IL1RAPL1: variants seen among roughly 807,000 people sequenced by gnomAD.
IL1RAPL1 encodes the protein interleukin-1 receptor accessory protein-like 1.
A neutral mutation model predicts 48.4 loss-of-function variants in IL1RAPL1; 3 were observed. The observed-to-expected ratio is 0.06, with a 90% confidence interval of 0.03 to 0.16. IL1RAPL1 has a LOEUF of 0.16. Ranked by LOEUF, IL1RAPL1 falls within the 10% of genes least tolerant of loss-of-function variation. IL1RAPL1 has a pLI of 1.00. For missense variants in IL1RAPL1, 349 were observed against 530.6 expected, an observed-to-expected ratio of 0.66 and a Z score of 3.36; for synonymous variants, 185 against 187.7, an observed-to-expected ratio of 0.99 and a Z score of 0.12.
intron 3 of IL1RAPL1, among the ~76,000 whole-genome samples, chrX:29,283,958 T>C (rs1168848225): frequency 8.9e-6 from 1 of 112,868 alleles, no homozygotes; most frequent in Non-Finnish European, 1.9e-5. Context: ...CCCTCATAGA[T>C]TGTGAATCAC....
At chrX:29,329,192 A>G (rs1286548040) in intron 3 of IL1RAPL1, among the ~76,000 whole-genome samples, 2 of 111,058 alleles carry the variant, frequency 1.8e-5, no homozygotes, top group Non-Finnish European at 3.8e-5. Flanking sequence ...CACACACACA[A>G]ATGATACAGA....
At chrX:28,789,691 G>T (rs958170769) in intron 2 of IL1RAPL1, among the ~76,000 whole-genome samples, 1 of 112,062 alleles carries the variant, frequency 8.9e-6, no homozygotes, top group Non-Finnish European at 1.9e-5. Context: ...ATTTCATTTT[G>T]TGGTAGGATT....
intron 6 of IL1RAPL1, among the ~76,000 whole-genome samples, chrX:29,856,362 A>G (rs781461873): frequency 2.7e-5 from 3 of 111,958 alleles, no homozygotes; most frequent in Non-Finnish European, 3.8e-5. Flanking sequence ...TACAAGATGC[A>G]ATTCAGAATT....
At chrX:29,135,585 A>G (rs1425142591) in intron 2 of IL1RAPL1, among the ~76,000 whole-genome samples, 1 of 112,040 alleles carries the variant, frequency 8.9e-6, no homozygotes, top group Non-Finnish European at 1.9e-5. Flanking sequence ...AGACTTTTAC[A>G]TACAATTTCC....
At chrX:28,640,172 C>T (rs1022216054) in intron 1 of IL1RAPL1, among the ~76,000 whole-genome samples, 7 of 111,446 alleles carry the variant, frequency 6.3e-5, no homozygotes, top group Non-Finnish European at 1.3e-4. Flanking sequence ...TTGAACTGAA[C>T]GTTGCATACT....
chrX:29,020,759 G>A (rs1926345164), intron 2 of IL1RAPL1, among the ~76,000 whole-genome samples: 1 of 111,473 alleles, frequency 9.0e-6, no homozygotes. Flanking sequence ...CTAGAGGAAA[G>A]AAGATAGATT....
intron 8 of IL1RAPL1, among the ~76,000 whole-genome samples, chrX:29,941,360 A>G (rs1035691178): frequency 8.9e-5 from 10 of 112,232 alleles, no homozygotes; most frequent in Non-Finnish European, 1.7e-4. Flanking sequence ...TTCCAATCAG[A>G]TATTTACAAT....
intron 2 of IL1RAPL1, among the ~76,000 whole-genome samples, chrX:28,926,065 G>A (rs2147340232): frequency 8.9e-6 from 1 of 112,260 alleles, no homozygotes; most frequent in South Asian, 3.7e-4. Flanking sequence ...CAGTACCGTA[G>A]CCATTAGCCA....
chrX:29,545,404 A>G (rs1424697553), intron 5 of IL1RAPL1, among the ~76,000 whole-genome samples: 1 of 111,490 alleles, frequency 9.0e-6, no homozygotes, highest in Non-Finnish European at 1.9e-5. Flanking sequence ...GTATATCCCA[A>G]TGAATTTTTG....
chrX:29,558,946 T>A (rs1021097422), intron 5 of IL1RAPL1, among the ~76,000 whole-genome samples: 1 of 111,803 alleles, frequency 8.9e-6, no homozygotes, highest in African/African-American at 3.2e-5. Context: ...TTGTAGTGTA[T>A]TTTGAGATCA....
Position 29,955,636 on chromosome X carries a change from G to T in IL1RAPL1, c.1907G>T (p.Gly636Val), listed in dbSNP as rs1439956965. ...RSYEYDVPPT[G>V]TLPLTSIGNQ... Reference sequence around the variant, plus strand: ...TATGAGTACGACGTACCTCCTACCGGCACCCTGCCTCTTACCTCCATAGGC... The same window carrying T: ...TATGAGTACGACGTACCTCCTACCGTCACCCTGCCTCTTACCTCCATAGGC... Residue 636 changes from glycine to valine, a missense_variant, in exon 11 of 11, where the codon GGC becomes GTC. By Grantham distance (109) the Gly-to-Val change is moderately radical. Transcript: ENST00000378993. 1.7e-6 allele frequency: 2 copies of T among 1,209,911 alleles called. No individual in the cohort carries two copies. Among genetic ancestry groups the T allele is most frequent in the South Asian group, 1.8e-5 (1 of 56,759 alleles).
At chrX:28,655,597 A>G (rs973610317) in intron 1 of IL1RAPL1, among the ~76,000 whole-genome samples, 2 of 111,855 alleles carry the variant, frequency 1.8e-5, no homozygotes, top group Non-Finnish European at 3.8e-5. Context: ...TAATTACAGA[A>G]TACATGCTAA....
chrX:29,652,827 A>G (rs1361098232), intron 5 of IL1RAPL1, among the ~76,000 whole-genome samples: 1 of 111,763 alleles, frequency 8.9e-6, no homozygotes, highest in Non-Finnish European at 1.9e-5. Context: ...ATAATAAGTG[A>G]CCATTATTTT....
At chrX:28,595,533 C>T (rs182405807) in intron 1 of IL1RAPL1, among the ~76,000 whole-genome samples, 66 of 111,765 alleles carry the variant, frequency 5.9e-4, no homozygotes, top group Non-Finnish European at 1.1e-3. Flanking sequence ...GGCTGAATCC[C>T]GCAGTGCCCT....
At chrX:29,915,106 C>T (rs1438921983) in intron 6 of IL1RAPL1, among the ~76,000 whole-genome samples, 5 of 111,846 alleles carry the variant, frequency 4.5e-5, no homozygotes, top group Admixed American at 2.9e-4. Context: ...CCGGCCTGGC[C>T]AACATGGTGA....
intron 3 of IL1RAPL1, among the ~76,000 whole-genome samples, chrX:29,315,449 A>G (rs1326430423): frequency 9.0e-6 from 1 of 111,492 alleles, no homozygotes; most frequent in Non-Finnish European, 1.9e-5. Context: ...CGTCTTGCTC[A>G]AACCTTCCGA....
chrX:29,236,726 A>ATTTT (rs386416818), intron 2 of IL1RAPL1, among the ~76,000 whole-genome samples: 1 of 87,135 alleles, frequency 1.1e-5, no homozygotes, highest in Non-Finnish European at 2.2e-5. Context: ...CGCCTGGCTA[A>ATTTT]TTTTTTTTTT....
chrX:28,731,767 T>C, intron 1 of IL1RAPL1, among the ~76,000 whole-genome samples: 1 of 111,717 alleles, frequency 9.0e-6, no homozygotes, highest in Non-Finnish European at 1.9e-5. Flanking sequence ...CTTTCTCCCC[T>C]ACCTCCTAAC....
intron 6 of IL1RAPL1, among the ~76,000 whole-genome samples, chrX:29,679,718 C>G (rs1926393646): frequency 8.9e-6 from 1 of 111,803 alleles, no homozygotes; most frequent in African/African-American, 3.2e-5. Flanking sequence ...GGACTTGCTA[C>G]TAATTACAGA....
Sources: gnomAD v4.1 joint callset for allele counts (sites outside exome capture counted in the v4.1 genomes callset) on GRCh38, gnomAD v4.1.1 for gene constraint, MANE v1.5 for transcripts, NCBI Gene and HGNC (gene_info 2026-07-23, HGNC 2026-07-21) for gene names.